MEIOSIN: variants seen among roughly 807,000 people sequenced by gnomAD.
MEIOSIN encodes meiosis initiator protein.
Under a neutral mutation model 23.4 loss-of-function variants are expected in MEIOSIN, and 18 were observed. The observed-to-expected ratio is 0.77, with a 90% CI of 0.53 to 1.14. MEIOSIN has a LOEUF of 1.14. Ranked by LOEUF, MEIOSIN falls within the 50% of genes most tolerant of loss-of-function variation. The pLI, the probability that MEIOSIN is intolerant of heterozygous loss-of-function variation, is 0.00. For missense variants in MEIOSIN, 428 were observed against 242.9 expected, an observed-to-expected ratio of 1.76 and a Z score of -5.07; for synonymous variants, 187 against 100.6, an observed-to-expected ratio of 1.86 and a Z score of -5.14.
chr19:45,744,465 TTTTTG>T (rs1018784734), intron 3 of MEIOSIN, among the ~76,000 whole-genome samples: 24 of 152,308 alleles, frequency 1.6e-4, no homozygotes, highest in Non-Finnish European at 1.9e-4. Flanking sequence ...CAGCATCTTT[TTTTTG>T]TTTTGTTTTG....
intron 8 of MEIOSIN, among the ~76,000 whole-genome samples, chr19:45,756,935 C>T (rs1968841767): frequency 6.6e-6 from 1 of 152,158 alleles, no homozygotes; most frequent in Admixed American, 6.5e-5. Context: ...ACTGCCCATC[C>T]CTCAGGCTGA....
At chr19:45,746,578 G>C (rs918463314) in intron 4 of MEIOSIN, among the ~76,000 whole-genome samples, 2 of 152,006 alleles carry the variant, frequency 1.3e-5, no homozygotes, top group African/African-American at 4.8e-5. Flanking sequence ...TCAGTAGTTT[G>C]GGAGGCCGAG....
intron 4 of MEIOSIN, among the ~76,000 whole-genome samples, chr19:45,749,935 C>G (rs1312229724): frequency 1.4e-5 from 2 of 146,736 alleles, no homozygotes; most frequent in Non-Finnish European, 3.0e-5. Context: ...ACCTGGCAGG[C>G]AGAAGTTGCA....
intron 5 of MEIOSIN, among the ~76,000 whole-genome samples, chr19:45,751,173 G>C (rs950015386): frequency 6.6e-6 from 1 of 151,868 alleles, no homozygotes; most frequent in African/African-American, 2.4e-5. Context: ...TTGGGAGGTT[G>C]AGGCAGGAGA....
At chr19:45,753,588 G>A in intron 5 of MEIOSIN, 63 bp from the exon 6 acceptor site, 1 of 655,418 alleles carries the variant, frequency 1.5e-6, no homozygotes, top group Non-Finnish European at 2.8e-6. Flanking sequence ...CTGGAAGGCA[G>A]GAACTGCAGT....
intron 9 of MEIOSIN, among the ~76,000 whole-genome samples, chr19:45,757,526 T>C (rs1968854022): frequency 6.6e-6 from 1 of 152,172 alleles, no homozygotes; most frequent in Non-Finnish European, 1.5e-5. Context: ...TTGGTTTGTT[T>C]GTTTTCTTTT....
At chr19:45,748,407 G>T (rs1968633934) in intron 4 of MEIOSIN, among the ~76,000 whole-genome samples, 1 of 152,264 alleles carries the variant, frequency 6.6e-6, no homozygotes, top group Non-Finnish European at 1.5e-5. Context: ...AAGAAATAGA[G>T]TCAGATGTAT....
intron 7 of MEIOSIN, among the ~76,000 whole-genome samples, chr19:45,755,144 C>T (rs1247915052): frequency 1.3e-5 from 2 of 151,574 alleles, no homozygotes; most frequent in Non-Finnish European, 2.9e-5. Context: ...GTTCATTCAG[C>T]CTTTTCTTTT....
intron 8 of MEIOSIN, 72 bp from the exon 9 acceptor site, chr19:45,757,105 T>A (rs1187734887): frequency 5.8e-6 from 4 of 684,610 alleles, no homozygotes; most frequent in Non-Finnish European, 1.1e-5. Context: ...CAGTGCAGAG[T>A]GCCAAAGGGG....
intron 3 of MEIOSIN, among the ~76,000 whole-genome samples, chr19:45,741,602 T>G (rs1049250259): frequency 6.6e-5 from 10 of 151,902 alleles, no homozygotes; most frequent in African/African-American, 2.4e-4. Context: ...TCCCAGCTAC[T>G]TGGGAGGCTG....
Position 45,745,203 on chromosome 19 carries a change from A to G in MEIOSIN, c.188A>G (p.Asn63Ser), listed in dbSNP as rs1968570107. ...LLKGKLRNQR[N>S]QNKLLSPNKK... ...CTGTCCCCAAACAGGAATCAGAGGA[A>G]CCAAAACAAGCTCCTGTCCCCAAAC... The change falls in exon 4 of 15, where the codon AAC becomes AGC. Residue 63 changes from asparagine to serine, a missense_variant. By Grantham distance (46) the Asn-to-Ser change is conservative (BLOSUM62 1). Coordinates refer to ENST00000457052, the MANE Select transcript of MEIOSIN (RefSeq NM_001310124.2). 3 of 702,896 alleles carry G rather than the reference A, an allele frequency of 4.3e-6. No homozygotes were observed. The highest frequency in any genetic ancestry group is 7.8e-6 in the Non-Finnish European group (3 of 384,974). 43.5% of individuals were successfully genotyped at this position (702,896 alleles called of 1,614,324 possible).
chr19:45,734,155 C>G (rs555504412), intron 1 of MEIOSIN, among the ~76,000 whole-genome samples: 2 of 152,162 alleles, frequency 1.3e-5, no homozygotes, highest in East Asian at 3.9e-4. Context: ...TCTGGAGTCG[C>G]AGTTTGAGTC....
At chr19:45,738,576 G>A (rs1443344597) in intron 2 of MEIOSIN, among the ~76,000 whole-genome samples, 1 of 152,216 alleles carries the variant, frequency 6.6e-6, no homozygotes, top group Non-Finnish European at 1.5e-5. Flanking sequence ...CCAAGATCGC[G>A]CCGCTGCGCT....
chr19:45,746,825 G>GAA (rs376837969), intron 4 of MEIOSIN, among the ~76,000 whole-genome samples: 3 of 97,016 alleles, frequency 3.1e-5, no homozygotes, highest in South Asian at 3.1e-4. Flanking sequence ...TGTCTCAAAA[G>GAA]AAAAAAAAAA....
chr19:45,747,439 C>T (rs189114415), intron 4 of MEIOSIN, among the ~76,000 whole-genome samples: 25 of 152,316 alleles, frequency 1.6e-4, no homozygotes, highest in African/African-American at 5.8e-4. Context: ...CTCCCTCTGA[C>T]CATGAACACC....
intron 4 of MEIOSIN, among the ~76,000 whole-genome samples, chr19:45,748,983 C>T (rs1284992845): frequency 6.6e-6 from 1 of 151,740 alleles, no homozygotes; most frequent in African/African-American, 2.4e-5. Flanking sequence ...GTGGGAGAAT[C>T]GCTTGAACCT....
rs1218130101 is a variant in MEIOSIN at position 45,745,213 on chromosome 19, G to C, written c.198G>C (p.Lys66Asn). The change falls in exon 4 of 15, where the codon AAG (lysine) becomes AAC (asparagine). Residue 66 changes from lysine (K) to asparagine (N), a missense_variant. Lys to Asn is a moderately conservative substitution (Grantham distance 94). Coordinates refer to ENST00000457052, the MANE Select transcript of MEIOSIN (RefSeq NM_001310124.2). ...GKLRNQRNQN[K>N]LLSPNKKQRK... is the part of the protein sequence containing the mutation. ...ACAGGAATCAGAGGAACCAAAACAA[G>C]CTCCTGTCCCCAAACAAGAAGCAGA... 9 of 702,834 alleles carry C rather than the reference G, an allele frequency of 1.3e-5. No homozygotes were observed. Among genetic ancestry groups the C allele is most frequent in the Middle Eastern group, 2.3e-4 (1 of 4,392 alleles). The allele number at this position is 702,834 out of a possible 1,614,324, so 43.5% of individuals were successfully genotyped here.
At chr19:45,758,468 C>A (rs1296870416) in intron 9 of MEIOSIN, among the ~76,000 whole-genome samples, 1 of 151,838 alleles carries the variant, frequency 6.6e-6, no homozygotes, top group African/African-American at 2.4e-5. Context: ...CTCACTCTGT[C>A]ACCCAGGCTG....
chr19:45,758,797 C>G, intron 9 of MEIOSIN, 81 bp from the exon 10 acceptor site: 1 of 653,914 alleles, frequency 1.5e-6, no homozygotes, highest in South Asian at 1.6e-5. Flanking sequence ...GCATCAGGCA[C>G]TATCTCCTCA....
Sources: gnomAD v4.1 joint callset for allele counts (sites outside exome capture counted in the v4.1 genomes callset) on GRCh38, gnomAD v4.1.1 for gene constraint, MANE v1.5 for transcripts, NCBI Gene and HGNC (gene_info 2026-07-23, HGNC 2026-07-21) for gene names.